TNR: variants seen among roughly 807,000 people sequenced by gnomAD.
TNR encodes tenascin R, also known as tenascin-R.
Under a neutral mutation model 150.4 loss-of-function variants are expected in TNR, and 45 were observed. The observed-to-expected ratio is 0.30, with a 90% CI of 0.24 to 0.38. The LOEUF is 0.38. Ranked by LOEUF, TNR falls within the 10% of genes least tolerant of loss-of-function variation. The pLI, the probability that TNR is intolerant of heterozygous loss-of-function variation, is 1.00. For synonymous variants in TNR, 687 were observed against 678.4 expected, an observed-to-expected ratio of 1.01 and a Z score of -0.20; for missense variants, 1,544 against 1,759.1, an observed-to-expected ratio of 0.88 and a Z score of 2.19.
At chr1:175,411,749 T>C (rs1654226743) in intron 2 of TNR, among the ~76,000 whole-genome samples, 1 of 152,010 alleles carries the variant, frequency 6.6e-6, no homozygotes, top group Non-Finnish European at 1.5e-5. Flanking sequence ...TCATCTTAAC[T>C]TCATTACTTA....
intron 1 of TNR, among the ~76,000 whole-genome samples, chr1:175,664,983 G>A (rs1305635109): frequency 6.6e-6 from 1 of 152,320 alleles, no homozygotes; most frequent in South Asian, 2.1e-4. Flanking sequence ...CAGTCAAAAG[G>A]ATGACAGAAT....
chr1:175,546,561 C>G (rs4652096), intron 1 of TNR, among the ~76,000 whole-genome samples: 102,596 of 152,060 alleles, frequency 0.67, 34,956 homozygotes, highest in Admixed American at 0.76. Flanking sequence ...CTTTTCAGCG[C>G]TCAAAGCTGG....
At chr1:175,557,271 C>T (rs540619812) in intron 1 of TNR, among the ~76,000 whole-genome samples, 16 of 152,308 alleles carry the variant, frequency 1.1e-4, no homozygotes, top group African/African-American at 3.8e-4. Flanking sequence ...CCAACAAAGC[C>T]ATGCACAGAC....
chr1:175,559,249 A>G (rs1027612502), intron 1 of TNR, among the ~76,000 whole-genome samples: 2 of 152,230 alleles, frequency 1.3e-5, no homozygotes, highest in Admixed American at 6.5e-5. Flanking sequence ...ACACACTGTG[A>G]ATGTACTAAA....
intron 1 of TNR, among the ~76,000 whole-genome samples, chr1:175,609,690 A>C (rs1663531893): frequency 6.6e-6 from 1 of 152,182 alleles, no homozygotes; most frequent in African/African-American, 2.4e-5. Flanking sequence ...GATGCATGTG[A>C]GACAGGTAGA....
intron 1 of TNR, among the ~76,000 whole-genome samples, chr1:175,573,874 C>A (rs1661988083): frequency 6.6e-6 from 1 of 152,152 alleles, no homozygotes; most frequent in Admixed American, 6.5e-5. Context: ...GAATGGCAGC[C>A]CTTGGTCAGA....
intron 1 of TNR, among the ~76,000 whole-genome samples, chr1:175,661,292 G>A (rs1665364245): frequency 6.6e-6 from 1 of 152,190 alleles, no homozygotes; most frequent in Non-Finnish European, 1.5e-5. Flanking sequence ...CAAGGAGCAG[G>A]AATGAGCCAT....
chr1:175,511,206 G>A (rs1387534127), intron 2 of TNR, among the ~76,000 whole-genome samples: 4 of 152,066 alleles, frequency 2.6e-5, no homozygotes, highest in Admixed American at 1.3e-4. Flanking sequence ...ATAAAACAAA[G>A]CTCTGCTGCA....
intron 1 of TNR, among the ~76,000 whole-genome samples, chr1:175,595,438 G>A (rs1362837122): frequency 1.3e-5 from 2 of 152,182 alleles, no homozygotes; most frequent in South Asian, 2.1e-4. Context: ...TTACTCCTGT[G>A]CCTCCCTCTC....
intron 2 of TNR, among the ~76,000 whole-genome samples, chr1:175,482,944 C>T (rs1657867668): frequency 6.6e-6 from 1 of 152,324 alleles, no homozygotes; most frequent in Non-Finnish European, 1.5e-5. Context: ...GGGAAGTCTG[C>T]CATTCCATTT....
intron 2 of TNR, among the ~76,000 whole-genome samples, chr1:175,510,882 C>T (rs776706529): frequency 2.0e-5 from 3 of 152,128 alleles, no homozygotes; most frequent in Non-Finnish European, 4.4e-5. Context: ...ATTTTTACAA[C>T]GTTCCCAAAA....
At chr1:175,630,281 G>A (rs1180870830) in intron 1 of TNR, among the ~76,000 whole-genome samples, 1 of 152,224 alleles carries the variant, frequency 6.6e-6, no homozygotes, top group Non-Finnish European at 1.5e-5. Context: ...GCAGAAAAGA[G>A]GAACTCTTGT....
chr1:175,462,330 C>G lies in TNR; in HGVS notation c.-63-55553G>C, dbSNP rs76880228. ...GAAGCAACTTGAACAATGAAGGAAA[C>G]GATGAGGCTGACATGAGTCAAAGAT... On this transcript the variant is annotated intron_variant, in intron 2 of 22. Coordinates refer to ENST00000367674, the MANE Select transcript of TNR (RefSeq NM_003285.3). Among the ~76,000 whole-genome samples, 116 of 152,254 alleles carry G rather than the reference C, an allele frequency of 7.6e-4. 1 individual carries two copies. The highest frequency in any genetic ancestry group is 2.7e-3 in the African/African-American group (113 of 41,546).
rs569281674 is a variant in TNR, at chr1:175,502,516, T to G, written c.-64+25753A>C. The stretch of plus-strand genomic sequence containing the variant: ...GGGTCATCCTAGTTCCAGAGCTTCC[T>G]GTAGGGTTGACTGAGGCCTCAGTTA... On this transcript the variant is annotated intron_variant, in intron 2 of 22. Transcript: ENST00000367674. Among the ~76,000 whole-genome samples the G allele has an allele frequency of 2.0e-5, 3 of 152,256 alleles. No homozygotes were observed. The South Asian group carries it at 6.2e-4, about 32-fold the overall frequency.
rs147819509 is a variant in TNR at position 175,367,235 on chromosome 1, C to T, written c.2026G>A (p.Val676Met). 1.6e-5 allele frequency: 26 copies of T among 1,614,146 alleles called. No homozygotes were observed. In the East Asian group the frequency reaches 2.9e-4, roughly 18 times the overall value. The change falls in exon 10 of 23, where the codon GTG becomes ATG. Residue 676 changes from valine to methionine, a missense_variant. By Grantham distance (21) the Val-to-Met change is conservative. Around this residue, in one of 2 missense-constraint regions of TNR, gnomAD observed 1,254 missense variants for 1,329.4 expected, o/e 0.94. Coordinates refer to ENST00000367674, the MANE Select transcript of TNR (RefSeq NM_003285.3). ...GTCCTGGCATTCATGGTGGCTGGCA[C>T]GCTTTGCTGTGAGTTCATGACGGCA... ...ISAVMNSQQS[V>M]PATMNARTEL...
intron 1 of TNR, among the ~76,000 whole-genome samples, chr1:175,678,775 G>A (rs537906958): frequency 2.0e-5 from 3 of 152,356 alleles, no homozygotes; most frequent in African/African-American, 7.2e-5. Context: ...AAGTGGGAAG[G>A]CATAGTGGTC....
At chr1:175,486,432 A>AT (rs986162488) in intron 2 of TNR, among the ~76,000 whole-genome samples, 12 of 152,154 alleles carry the variant, frequency 7.9e-5, no homozygotes, top group Non-Finnish European at 1.6e-4. Flanking sequence ...AGCTTCATCC[A>AT]TGTCCCTGTA....
Position 175,335,620 on chromosome 1 carries a change from G to A in TNR, c.3631+91C>T, listed in dbSNP as rs531330441. On this transcript the variant is annotated intron_variant, in intron 20 of 22. Coordinates refer to ENST00000367674, the MANE Select transcript of TNR (RefSeq NM_003285.3). ...CTGTTAGCTTCTCAACAAACACAGG[G>A]TTTCTGATAATCTCAGATGGACACA... 23 of 1,285,162 alleles carry A rather than the reference G, an allele frequency of 1.8e-5. No individual in the cohort carries two copies. The East Asian group carries it at 5.1e-4, about 29-fold the overall frequency. The allele number at this position is 1,285,162 out of a possible 1,614,324, so 79.6% of individuals were successfully genotyped here.
At chr1:175,457,948 T>C (rs1656637509) in intron 2 of TNR, among the ~76,000 whole-genome samples, 1 of 152,238 alleles carries the variant, frequency 6.6e-6, no homozygotes, top group Non-Finnish European at 1.5e-5. Flanking sequence ...TTTAAACTCA[T>C]GTCTGTCTGA....
Sources: allele counts gnomAD v4.1 joint callset (sites outside exome capture counted in the v4.1 genomes callset), GRCh38; gene constraint gnomAD v4.1.1; regional missense constraint gnomAD v4.1.1; transcripts MANE v1.5; gene names NCBI Gene and HGNC (gene_info 2026-07-23, HGNC 2026-07-21).